The following ADCY2 variants were observed in gnomAD, a reference collection of about 807,000 sequenced individuals.
ADCY2 encodes adenylate cyclase 2, also known as adenylate cyclase type 2.
A neutral mutation model predicts 125.2 loss-of-function variants in ADCY2; 31 were observed. The observed-to-expected ratio is 0.25, with a 90% CI of 0.19 to 0.33. ADCY2 has a LOEUF of 0.33. Ranked by LOEUF, ADCY2 falls within the 10% of genes least tolerant of loss-of-function variation. The pLI is 1.00. For synonymous variants in ADCY2, 512 were observed against 548.4 expected, an observed-to-expected ratio of 0.93 and a Z score of 0.93; for missense variants, 904 against 1,418.2, an observed-to-expected ratio of 0.64 and a Z score of 5.82.
At chr5:7,699,832 C>A (rs1052143380) in intron 7 of ADCY2, among the ~76,000 whole-genome samples, 1 of 152,170 alleles carries the variant, frequency 6.6e-6, no homozygotes, top group African/African-American at 2.4e-5. Flanking sequence ...AAGCGATCTG[C>A]TTGCCTTGGC....
At chr5:7,457,825 T>C (rs1361985362) in intron 2 of ADCY2, among the ~76,000 whole-genome samples, 1 of 152,160 alleles carries the variant, frequency 6.6e-6, no homozygotes, top group African/African-American at 2.4e-5. Flanking sequence ...CAGAACACAG[T>C]GTGTTCGTAG....
intron 3 of ADCY2, among the ~76,000 whole-genome samples, chr5:7,557,201 A>ATATATATATATATATATAT: frequency 3.6e-5 from 5 of 140,112 alleles, no homozygotes; most frequent in Admixed American, 7.0e-5. Context: ...TGATATATAT[A>ATATATATATATATATATAT]ACTCAAGTGA....
intron 5 of ADCY2, among the ~76,000 whole-genome samples, chr5:7,692,868 G>A (rs949620344): frequency 5.3e-5 from 8 of 152,006 alleles, no homozygotes; most frequent in East Asian, 1.9e-4. Context: ...CTCTCCAGTC[G>A]TCTTCTGGGA....
chr5:7,436,335 T>A (rs1740799057), intron 2 of ADCY2, among the ~76,000 whole-genome samples: 1 of 152,150 alleles, frequency 6.6e-6, no homozygotes, highest in Admixed American at 6.5e-5. Flanking sequence ...ACAATGGCAA[T>A]ATCAATAAAA....
At chr5:7,449,301 T>G (rs1282014543) in intron 2 of ADCY2, among the ~76,000 whole-genome samples, 1 of 152,192 alleles carries the variant, frequency 6.6e-6, no homozygotes, top group Non-Finnish European at 1.5e-5. Flanking sequence ...AATTTTTCTT[T>G]TAAGAAATGT....
intron 18 of ADCY2, among the ~76,000 whole-genome samples, chr5:7,781,709 A>C (rs771451264): frequency 2.7e-5 from 4 of 150,300 alleles, no homozygotes; most frequent in Non-Finnish European, 5.9e-5. Flanking sequence ...CGTTATAGCA[A>C]CTCTAGGAAA....
intron 14 of ADCY2, among the ~76,000 whole-genome samples, chr5:7,733,136 A>G (rs1478816285): frequency 1.3e-5 from 2 of 152,218 alleles, no homozygotes; most frequent in Non-Finnish European, 2.9e-5. Flanking sequence ...TTCTAGCACA[A>G]TTTAGGTAAA....
At chr5:7,626,853 A>G (rs1411961657) in intron 4 of ADCY2, among the ~76,000 whole-genome samples, 2 of 152,198 alleles carry the variant, frequency 1.3e-5, no homozygotes, top group East Asian at 3.9e-4. Flanking sequence ...TCAACATGAG[A>G]TTTGGAGAGG....
chr5:7,629,001 C>T (rs554190949), intron 4 of ADCY2, among the ~76,000 whole-genome samples: 191 of 152,304 alleles, frequency 1.3e-3, no homozygotes, highest in Non-Finnish European at 2.3e-3. Flanking sequence ...TCCTGCTCAC[C>T]CTGCACCACA....
intron 2 of ADCY2, among the ~76,000 whole-genome samples, chr5:7,416,971 C>T (rs551276214): frequency 6.6e-6 from 1 of 152,228 alleles, no homozygotes; most frequent in South Asian, 2.1e-4. Flanking sequence ...ATCAGTTTGT[C>T]ATGTTCAATG....
rs142620692 is a variant in ADCY2, at chr5:7,517,457, A to T, written c.409-3281A>T. Reference sequence around the variant, plus strand: ...TGAAGTTGCATTGGAAAGCAGGCTTAAAAAAAATGAGAACTCTTTGAGATT... The same window carrying T: ...TGAAGTTGCATTGGAAAGCAGGCTTTAAAAAAATGAGAACTCTTTGAGATT... On this transcript the variant is annotated intron_variant, in intron 2 of 24. Transcript: ENST00000338316. Among the ~76,000 whole-genome samples, 9 of 152,136 alleles carry T rather than the reference A, an allele frequency of 5.9e-5. No homozygotes were observed. The East Asian group carries it at 1.7e-3, about 29-fold the overall frequency.
At chr5:7,560,233 G>A (rs1016463679) in intron 3 of ADCY2, among the ~76,000 whole-genome samples, 8 of 152,306 alleles carry the variant, frequency 5.3e-5, no homozygotes, top group Admixed American at 6.5e-5. Context: ...TCCACATAAG[G>A]TGAATGTGTG....
At chr5:7,690,501 A>G (rs989050276) in intron 4 of ADCY2, 190 bp from the exon 5 acceptor site, 3 of 400,022 alleles carry the variant, frequency 7.5e-6, no homozygotes, top group Middle Eastern at 1.3e-3. Context: ...AATAAATAAT[A>G]TAATGATACA....
intron 1 of ADCY2, among the ~76,000 whole-genome samples, chr5:7,398,003 A>G (rs76579680): frequency 0.02 from 3,062 of 152,278 alleles, 111 homozygotes; most frequent in African/African-American, 0.07. Flanking sequence ...GCTCAGTCTC[A>G]TGGGCAAGCA....
chr5:7,766,742 C>T lies in ADCY2; in HGVS notation c.2150C>T (p.Thr717Ile). 6.2e-7 allele frequency: 1 copy of T among 1,612,682 alleles called. No individual in the cohort carries two copies. Among genetic ancestry groups the T allele is most frequent in the Admixed American group, 1.7e-5 (1 of 59,582 alleles). The change falls in exon 17 of 25, where the codon ACA (threonine) becomes ATA (isoleucine). Residue 717 changes from threonine (T) to isoleucine (I), a missense_variant. Around this residue, in one of 7 missense-constraint regions of ADCY2, gnomAD observed 221 missense variants for 246.2 expected, o/e 0.90. Transcript: ENST00000338316. ...TIPPTANTTNTSFSASNNQVA... is the reference protein window; with the variant it reads ...TIPPTANTTNISFSASNNQVA... ...CCTCCAACTGCCAACACAACAAACA[C>T]AAGCTTTTCAGCCTCAAATAATCAG...
chr5:7,439,752 A>G (rs1740938866), intron 2 of ADCY2, among the ~76,000 whole-genome samples: 1 of 152,196 alleles, frequency 6.6e-6, no homozygotes, highest in East Asian at 1.9e-4. Flanking sequence ...CTGATTGTAG[A>G]AGACATTGTG....
intron 1 of ADCY2, among the ~76,000 whole-genome samples, chr5:7,411,566 G>C (rs1329371071): frequency 1.3e-5 from 2 of 152,036 alleles, no homozygotes; most frequent in Non-Finnish European, 2.9e-5. Flanking sequence ...GACTCTAAGA[G>C]GGCTGTAGGA....
intron 2 of ADCY2, among the ~76,000 whole-genome samples, chr5:7,501,746 G>C (rs1038123424): frequency 6.8e-6 from 1 of 146,914 alleles, no homozygotes; most frequent in Non-Finnish European, 1.5e-5. Context: ...GGCTCACTTG[G>C]CCTTGAGTCC....
At chr5:7,557,280 T>C (rs1735556832) in intron 3 of ADCY2, among the ~76,000 whole-genome samples, 1 of 140,756 alleles carries the variant, frequency 7.1e-6, no homozygotes, top group Non-Finnish European at 1.6e-5. Context: ...AGAATGCAAA[T>C]TGAATAACGA....
Sources: gnomAD v4.1 joint callset for allele counts (sites outside exome capture counted in the v4.1 genomes callset) on GRCh38, gnomAD v4.1.1 for gene constraint, gnomAD v4.1.1 regional missense constraint, MANE v1.5 for transcripts, NCBI Gene and HGNC (gene_info 2026-07-23, HGNC 2026-07-21) for gene names.